The following GPC1 variants were observed in gnomAD, a reference collection of about 807,000 sequenced individuals.
GPC1 encodes the protein glypican-1.
Under a neutral mutation model 51.5 loss-of-function variants are expected in GPC1, and 26 were observed. The ratio of observed to expected loss-of-function variants is 0.50; its 90% CI spans 0.37 to 0.70. The LOEUF (loss-of-function observed/expected upper bound fraction) is 0.70, where lower values mean the gene tolerates loss of function less well. Ranked by LOEUF, GPC1 falls within the 30% of genes least tolerant of loss-of-function variation. The pLI, the probability that GPC1 is intolerant of heterozygous loss-of-function variation, is 0.00. For missense variants in GPC1, 775 were observed against 800.5 expected (o/e 0.97, Z 0.38); for synonymous variants, 380 against 348.3 (o/e 1.09, Z -1.01).
Position 240,465,521 on chromosome 2 carries a change from C to T in GPC1, c.1317C>T (p.Asn439=). 6.2e-7 allele frequency: 1 copy of T among 1,613,210 alleles called. No individual in the cohort carries two copies. Among genetic ancestry groups the T allele is most frequent in the Non-Finnish European group, 8.5e-7 (1 of 1,180,012 alleles). Reference sequence around the variant, plus strand: ...ACGGCCTGGCCAACCAGATCAACAACCCCGAGGTGGAGGTGGACATCACCA... The same window carrying T: ...ACGGCCTGGCCAACCAGATCAACAATCCCGAGGTGGAGGTGGACATCACCA... The part of the protein sequence containing the change: ...MGDGLANQIN[N]PEVEVDITKP... Residue 439 remains asparagine (N), a synonymous_variant, in exon 8 of 9, where the codon AAC becomes AAT. Transcript: ENST00000264039.
At chr2:240,463,925 A>C (rs1210474949) in intron 4 of GPC1, 1 of 252,856 alleles carries the variant, frequency 4.0e-6, no homozygotes, top group East Asian at 1.0e-4. Context: ...AGTGCCCACC[A>C]GTACAGCGTG....
intron 1 of GPC1, chr2:240,457,314 C>A: frequency 2.3e-6 from 1 of 426,070 alleles, no homozygotes; most frequent in Non-Finnish European, 5.1e-6. Context: ...GTCATGTCAG[C>A]AGGCACAGAG....
At chr2:240,464,267 A>G (rs1250229849) in intron 4 of GPC1, 2 of 329,458 alleles carry the variant, frequency 6.1e-6, no homozygotes, top group Non-Finnish European at 1.2e-5. Context: ...GCTCATGTGC[A>G]CACAAGCTGG....
intron 1 of GPC1, chr2:240,451,550 AGAAAGGCT>A (rs2074099897): frequency 7.4e-6 from 2 of 270,730 alleles, no homozygotes; most frequent in African/African-American, 4.6e-5. Context: ...GCCAAGGAGG[AGAAAGGCT>A]GAGCCAGGCC....
At chr2:240,451,375 C>T (rs1204995094) in intron 1 of GPC1, 1 of 413,234 alleles carries the variant, frequency 2.4e-6, no homozygotes, top group African/African-American at 2.0e-5. Flanking sequence ...TCTTCCAGGC[C>T]TCCTTGGGTG....
At chr2:240,436,110 C>T (rs2352823) in intron 1 of GPC1, 26 bp downstream of exon 1, 426,476 of 1,254,844 alleles carry the variant, frequency 0.34, 77,628 homozygotes, top group Non-Finnish European at 0.37. Flanking sequence ...GCGCCGGGAA[C>T]CCGGGCCTGG....
chr2:240,438,919 G>T (rs2074000940), intron 1 of GPC1, among the ~76,000 whole-genome samples: 1 of 152,196 alleles, frequency 6.6e-6, no homozygotes, highest in Non-Finnish European at 1.5e-5. Context: ...TTATGCCAGG[G>T]CACGGCACAG....
intron 3 of GPC1, 24 bp from the exon 4 acceptor site, chr2:240,463,323 G>A (rs536849300): frequency 6.2e-7 from 1 of 1,610,216 alleles, no homozygotes; most frequent in East Asian, 2.2e-5. Context: ...CTCGGGGCCT[G>A]GCTTAGGGTC....
intron 1 of GPC1, chr2:240,457,539 C>T (rs2074177990): frequency 2.2e-6 from 1 of 454,366 alleles, no homozygotes; most frequent in South Asian, 1.6e-5. Flanking sequence ...GACCCCAGGC[C>T]TGAGGGGTGA....
chr2:240,460,985 C>T (rs1285816274), intron 2 of GPC1, among the ~76,000 whole-genome samples: 1 of 152,174 alleles, frequency 6.6e-6, no homozygotes, highest in Non-Finnish European at 1.5e-5. Context: ...AGCCCTGTGT[C>T]CGCCCCCCCA....
At chr2:240,446,343 G>A (rs2074050534) in intron 1 of GPC1, among the ~76,000 whole-genome samples, 2 of 152,274 alleles carry the variant, frequency 1.3e-5, no homozygotes, top group African/African-American at 4.8e-5. Flanking sequence ...CTGAAACGCA[G>A]CTGCAGACAG....
chr2:240,465,921 C>T (rs1307080026), intron 8 of GPC1, 137 bp from the exon 9 acceptor site: 30 of 638,784 alleles, frequency 4.7e-5, no homozygotes, highest in Non-Finnish European at 7.4e-5. Context: ...CAGGGGTCAG[C>T]GGGGATCAGG....
At chr2:240,465,389 G>A in intron 7 of GPC1, 84 bp from the exon 8 acceptor site, 1 of 1,422,118 alleles carries the variant, frequency 7.0e-7, no homozygotes, top group Non-Finnish European at 9.7e-7. Context: ...CTCAGGCTCA[G>A]AGCGTGGGAG....
chr2:240,450,577 A>G (rs1559196778), intron 1 of GPC1: 2 of 470,158 alleles, frequency 4.3e-6, no homozygotes, highest in Non-Finnish European at 8.8e-6. Flanking sequence ...TAGCAGGGAG[A>G]CAGCTAGACC....
chr2:240,438,812 G>A (rs1271562996), intron 1 of GPC1, among the ~76,000 whole-genome samples: 1 of 152,236 alleles, frequency 6.6e-6, no homozygotes, highest in African/African-American at 2.4e-5. Context: ...AGGCTGCAGT[G>A]ACAGCAGTGG....
rs571911565 is a variant in GPC1, at chr2:240,448,738, C to T, written c.167-10292C>T. ...CGGTGGTGGGCTGTGTGACCAGCAG[C>T]GTGACCGGCAGTTATCCCTCCCCGG... On this transcript the variant is annotated intron_variant, in intron 1 of 8. Transcript: ENST00000264039. This position sits in a 1 kb window ranked among gnomAD's most constrained non-coding sequence, Gnocchi z 4.5. Among the ~76,000 whole-genome samples, 173 of 151,918 alleles carry T rather than the reference C, an allele frequency of 1.1e-3. 1 individual carries two copies. The highest frequency in any genetic ancestry group is 4.0e-3 in the African/African-American group (166 of 41,438).
intron 1 of GPC1, among the ~76,000 whole-genome samples, chr2:240,439,507 C>A (rs1444102950): frequency 6.6e-6 from 1 of 152,216 alleles, no homozygotes; most frequent in Non-Finnish European, 1.5e-5. Context: ...ACCAGCGTGC[C>A]CTGGAGCCTG....
chr2:240,443,598 G>A (rs1250251841), intron 1 of GPC1, among the ~76,000 whole-genome samples: 3 of 152,194 alleles, frequency 2.0e-5, no homozygotes, highest in Non-Finnish European at 1.5e-5. Flanking sequence ...GAGGCCAGGC[G>A]ACTCGGAAGC....
At chr2:240,456,215 G>T in intron 1 of GPC1, 1 of 244,890 alleles carries the variant, frequency 4.1e-6, no homozygotes, top group South Asian at 3.3e-5. Flanking sequence ...TGACGGCGCC[G>T]AGGAGCCCCT....
Sources: gnomAD v4.1 joint callset for allele counts (sites outside exome capture counted in the v4.1 genomes callset) on GRCh38, gnomAD v4.1.1 for gene constraint, Gnocchi (gnomAD v3.1) non-coding constraint, MANE v1.5 for transcripts, NCBI Gene and HGNC (gene_info 2026-07-23, HGNC 2026-07-21) for gene names.